Variants in SH3D19 observed in about 807,000 individuals in gnomAD.
The protein encoded by SH3D19 is SH3 domain-containing protein 19.
In SH3D19, 58 loss-of-function variants were observed where a neutral mutation model predicts 112.1. That is an observed-to-expected ratio of 0.52 (90% CI 0.42 to 0.64). SH3D19 has a LOEUF of 0.64. Among genes scored for constraint, SH3D19 ranks in the 30% least tolerant of loss-of-function variants. SH3D19 has a pLI of 0.00. For missense variants in SH3D19, 1,090 were observed against 1,263.4 expected, an observed-to-expected ratio of 0.86 and a Z score of 2.08; for synonymous variants, 391 against 448.5, an observed-to-expected ratio of 0.87 and a Z score of 1.62.
At chr4:151,295,305 G>C (rs903141261) in intron 1 of SH3D19, among the ~76,000 whole-genome samples, 1 of 152,230 alleles carries the variant, frequency 6.6e-6, no homozygotes, top group Non-Finnish European at 1.5e-5. Context: ...TGGTAGCAGA[G>C]TCAGAACAAA....
At chr4:151,193,313 G>A (rs1762935886) in intron 2 of SH3D19, among the ~76,000 whole-genome samples, 2 of 151,298 alleles carry the variant, frequency 1.3e-5, no homozygotes, top group South Asian at 4.2e-4. Flanking sequence ...TGAGCATTTG[G>A]TGTTCACTAA....
chr4:151,128,291 G>A lies in SH3D19; in HGVS notation c.2808C>T (p.Asp936=), dbSNP rs776560104. Residue 936 remains aspartate (D), a synonymous_variant, in exon 18 of 20, where the codon GAC becomes GAT. Coordinates refer to ENST00000604030, the MANE Select transcript of SH3D19 (RefSeq NM_001378122.1). ...TCCGGTCTCCCCTCTTGAATGATAAGTCATCACTGGTCTCTGCTGTAAAAC... is the reference window on the plus strand; with the variant it reads ...TCCGGTCTCCCCTCTTGAATGATAAATCATCACTGGTCTCTGCTGTAAAAC... ...LHSFTAETSD[D]LSFKRGDRIQ... 24 of 1,613,974 alleles carry A rather than the reference G, an allele frequency of 1.5e-5. No individual in the cohort carries two copies. In the South Asian group the frequency reaches 2.5e-4, roughly 17 times the overall value.
chr4:151,282,858 A>G (rs1321687267), intron 1 of SH3D19, among the ~76,000 whole-genome samples: 1 of 152,184 alleles, frequency 6.6e-6, no homozygotes, highest in Non-Finnish European at 1.5e-5. Flanking sequence ...CCTTTACTCA[A>G]TCAGAATTTA....
chr4:151,276,483 C>A (rs1200999807), intron 1 of SH3D19, among the ~76,000 whole-genome samples: 1 of 152,122 alleles, frequency 6.6e-6, no homozygotes. Flanking sequence ...TCCAATGATG[C>A]AGACCCCTAA....
intron 2 of SH3D19, among the ~76,000 whole-genome samples, chr4:151,192,974 T>A (rs1041008343): frequency 6.6e-6 from 1 of 151,950 alleles, no homozygotes; most frequent in African/African-American, 2.4e-5. Flanking sequence ...TTTTTTTTTT[T>A]AATCACACAT....
At chr4:151,287,512 A>T (rs895817437) in intron 1 of SH3D19, among the ~76,000 whole-genome samples, 2 of 152,212 alleles carry the variant, frequency 1.3e-5, no homozygotes, top group African/African-American at 4.8e-5. Context: ...AAAAAGGACT[A>T]TATATACCGG....
intron 1 of SH3D19, among the ~76,000 whole-genome samples, chr4:151,286,184 G>GAAAAAAAAAAAAAAAAAAAAAAAA: frequency 1.2e-5 from 1 of 86,628 alleles, no homozygotes; most frequent in Non-Finnish European, 2.0e-5. Flanking sequence ...CTGTCTTAAA[G>GAAAAAAAAAAAAAAAAAAAAAAAA]AAAAAAAAAA....
Position 151,132,355 on chromosome 4 carries a change from T to C in SH3D19, c.2718A>G (p.Lys906=). Residue 906 remains lysine (K), a synonymous_variant, in exon 17 of 20, where the codon AAA becomes AAG. Coordinates refer to ENST00000604030, the MANE Select transcript of SH3D19 (RefSeq NM_001378122.1). ...LSTKVPLKTK[K]EDSGSNSQVN... Reference sequence around the variant, plus strand: ...CCTGAGAGTTTGAGCCAGAATCTTCTTTTTTGGTTTTCAGTGGTACCTTTG... The same window carrying C: ...CCTGAGAGTTTGAGCCAGAATCTTCCTTTTTGGTTTTCAGTGGTACCTTTG... 6.2e-7 allele frequency: 1 copy of C among 1,613,646 alleles called. No individual in the cohort carries two copies. Among genetic ancestry groups the C allele is most frequent in the East Asian group, 2.2e-5 (1 of 44,882 alleles).
chr4:151,141,467 A>C (rs1211752918), intron 12 of SH3D19, among the ~76,000 whole-genome samples: 1 of 152,138 alleles, frequency 6.6e-6, no homozygotes, highest in Middle Eastern at 3.2e-3. Flanking sequence ...ACAACATAAG[A>C]AATGCCATAT....
chr4:151,255,589 G>T (rs1461557343), intron 1 of SH3D19, among the ~76,000 whole-genome samples: 1 of 67,302 alleles, frequency 1.5e-5, no homozygotes. Context: ...ACGATGGGCG[G>T]CCAGGCAGAG....
At chr4:151,165,766 AT>A (rs1757907408) in intron 7 of SH3D19, 70 bp from the exon 8 acceptor site, 1 of 1,320,048 alleles carries the variant, frequency 7.6e-7, no homozygotes, top group African/African-American at 1.5e-5. Context: ...CTCATTCATA[AT>A]TTAAGAGTCA....
chr4:151,210,546 C>T (rs1195484121), intron 2 of SH3D19, among the ~76,000 whole-genome samples: 2 of 151,968 alleles, frequency 1.3e-5, no homozygotes, highest in East Asian at 1.9e-4. Context: ...GGACTACAGG[C>T]ACCTGCCACC....
At chr4:151,151,950 AATGCACAGCAT>A (rs1755135556) in intron 9 of SH3D19, among the ~76,000 whole-genome samples, 1 of 152,230 alleles carries the variant, frequency 6.6e-6, no homozygotes, top group African/African-American at 2.4e-5. Flanking sequence ...TACTGTAATA[AATGCACAGCAT>A]ATGACCCTAA....
chr4:151,231,002 C>T (rs111336796), intron 1 of SH3D19, among the ~76,000 whole-genome samples: 25 of 152,212 alleles, frequency 1.6e-4, no homozygotes, highest in Non-Finnish European at 2.6e-4. Flanking sequence ...GGAGTATATA[C>T]GGTATATATT....
chr4:151,252,761 C>T (rs1771514598), intron 1 of SH3D19, among the ~76,000 whole-genome samples: 1 of 152,222 alleles, frequency 6.6e-6, no homozygotes, highest in Non-Finnish European at 1.5e-5. Context: ...TCTTCATCTA[C>T]CCTCCAGAAA....
intron 3 of SH3D19, among the ~76,000 whole-genome samples, chr4:151,180,064 C>T (rs1388007294): frequency 1.3e-5 from 2 of 151,932 alleles, no homozygotes; most frequent in African/African-American, 4.8e-5. Context: ...TTGTATGTTT[C>T]GCAGAGATGA....
rs34777650 is a variant in SH3D19, at chr4:151,210,401, A to ATT, written c.152+15644_152+15645dup. On this transcript the variant is annotated intron_variant, in intron 2 of 19. Coordinates refer to ENST00000604030, the MANE Select transcript of SH3D19 (RefSeq NM_001378122.1). ...AAAGAAACTTATATATATCATCCCA[A>ATT]TTTTTTTTTTTTTTTTTTTTGAGAC... Among the ~76,000 whole-genome samples the ATT allele has an allele frequency of 3.1e-3, 422 of 136,752 alleles. 1 individual carries two copies. The highest frequency in any genetic ancestry group is 4.2e-3 in the Non-Finnish European group (266 of 63,780). 89.7% of individuals were successfully genotyped at this position (136,752 alleles called of 152,430 possible).
At chr4:151,280,063 C>CACAGT in intron 1 of SH3D19, 1 of 1,309,360 alleles carries the variant, frequency 7.6e-7, no homozygotes. Context: ...ATAGGCAGGG[C>CACAGT]GGAAGGAAAC....
At chr4:151,259,161 C>T (rs1772177202) in intron 1 of SH3D19, among the ~76,000 whole-genome samples, 1 of 152,038 alleles carries the variant, frequency 6.6e-6, no homozygotes, top group African/African-American at 2.4e-5. Flanking sequence ...TCTGTCTTCC[C>T]CATTTCATTC....
Sources: allele counts gnomAD v4.1 joint callset (sites outside exome capture counted in the v4.1 genomes callset), GRCh38; gene constraint gnomAD v4.1.1; transcripts MANE v1.5; gene names NCBI Gene and HGNC (gene_info 2026-07-23, HGNC 2026-07-21).